The following LNPEP variants were observed in gnomAD, a reference collection of about 807,000 sequenced individuals.
LNPEP encodes the protein leucyl-cystinyl aminopeptidase.
Under a neutral mutation model 120.6 loss-of-function variants are expected in LNPEP, and 64 were observed. That is an observed-to-expected ratio of 0.53 (90% CI 0.43 to 0.65). The LOEUF (loss-of-function observed/expected upper bound fraction) is 0.65, where lower values mean the gene tolerates loss of function less well. Ranked by LOEUF, LNPEP falls within the 30% of genes least tolerant of loss-of-function variation. LNPEP has a pLI of 0.00. For missense variants in LNPEP, 1,057 were observed against 1,200.0 expected (o/e 0.88, Z 1.76); for synonymous variants, 435 against 425.4 (o/e 1.02, Z -0.28).
chr5:96,996,931 A>G (rs958158615), intron 7 of LNPEP, among the ~76,000 whole-genome samples: 5 of 152,070 alleles, frequency 3.3e-5, no homozygotes, highest in African/African-American at 7.2e-5. Flanking sequence ...CTGTTTCTCT[A>G]TTATCACTGT....
At chr5:96,961,583 G>A (rs1248684725) in intron 1 of LNPEP, among the ~76,000 whole-genome samples, 1 of 152,052 alleles carries the variant, frequency 6.6e-6, no homozygotes, top group African/African-American at 2.4e-5. Context: ...AGTGTCAGCA[G>A]CATGGGCACT....
rs757951784 is a variant in LNPEP at position 96,986,508 on chromosome 5, T to A, written c.1000-31T>A. Reference sequence around the variant, plus strand: ...TGTTATTGCCATTTATTCCTATAGTTACAGAACTGTCTTTTCCCCTTTGCT... The same window carrying A: ...TGTTATTGCCATTTATTCCTATAGTAACAGAACTGTCTTTTCCCCTTTGCT... On this transcript the variant is annotated intron_variant, in intron 3 of 17. Transcript: ENST00000231368. 21 of 1,602,874 alleles carry A rather than the reference T, an allele frequency of 1.3e-5. No individual in the cohort carries two copies. In the South Asian group the frequency reaches 2.2e-4, roughly 17 times the overall value.
chr5:96,940,197 G>T (rs754218705), intron 1 of LNPEP, among the ~76,000 whole-genome samples: 1 of 152,086 alleles, frequency 6.6e-6, no homozygotes, highest in Non-Finnish European at 1.5e-5. Flanking sequence ...TTACTTGCCA[G>T]TTTCCAAAAA....
chr5:96,949,834 C>A (rs1323524713), intron 1 of LNPEP, among the ~76,000 whole-genome samples: 1 of 152,148 alleles, frequency 6.6e-6, no homozygotes, highest in Non-Finnish European at 1.5e-5. Flanking sequence ...TAATATTACT[C>A]CAAACAACTC....
At chr5:96,945,371 A>C (rs1280020512) in intron 1 of LNPEP, among the ~76,000 whole-genome samples, 3 of 151,280 alleles carry the variant, frequency 2.0e-5, no homozygotes, top group Admixed American at 2.0e-4. Context: ...ATGCCACTGC[A>C]CTGCAGCCTG....
intron 8 of LNPEP, among the ~76,000 whole-genome samples, chr5:96,998,691 G>C (rs1259614844): frequency 6.6e-6 from 1 of 152,098 alleles, no homozygotes; most frequent in Non-Finnish European, 1.5e-5. Context: ...TTGTGGGGAG[G>C]GATGAATGTT....
chr5:96,942,091 C>T (rs774093443), intron 1 of LNPEP, among the ~76,000 whole-genome samples: 2 of 152,036 alleles, frequency 1.3e-5, no homozygotes, highest in Non-Finnish European at 2.9e-5. Flanking sequence ...GGAGCCTTGC[C>T]AAGAGATAGA....
chr5:96,981,517 T>C (rs934941006), intron 2 of LNPEP, among the ~76,000 whole-genome samples: 11 of 152,190 alleles, frequency 7.2e-5, no homozygotes, highest in African/African-American at 2.7e-4. Context: ...CAAGTGGCCG[T>C]ACCAAAAATC....
chr5:97,021,022 T>C (rs529090778), intron 13 of LNPEP, among the ~76,000 whole-genome samples: 8 of 152,182 alleles, frequency 5.3e-5, no homozygotes, highest in Non-Finnish European at 5.9e-5. Flanking sequence ...CGTCTGTTAG[T>C]ACCTTAATAC....
rs1561426553 is a variant in LNPEP at position 96,945,397 on chromosome 5, C to A, written c.19+9223C>A. 2.1e-5 allele frequency among the ~76,000 whole-genome samples: 3 copies of A among 145,312 alleles called. 1 individual carries two copies. Among genetic ancestry groups the A allele is most frequent in the Admixed American group, 1.4e-4 (2 of 14,448 alleles). On this transcript the variant is annotated intron_variant, in intron 1 of 17. Coordinates refer to ENST00000231368, the MANE Select transcript of LNPEP (RefSeq NM_005575.3). ...CTGCAGCCTGGGCAAGAGAGTGAGA[C>A]CCTATCTCAAAAAAAAAAAAAAAAA...
At chr5:97,000,493 T>C (rs2112637797) in intron 8 of LNPEP, among the ~76,000 whole-genome samples, 1 of 152,338 alleles carries the variant, frequency 6.6e-6, no homozygotes, top group Non-Finnish European at 1.5e-5. Context: ...TAGTTTATGC[T>C]GAAAATGTGA....
In LNPEP at chr5:96,993,034, C is replaced by A; in HGVS notation, c.1151C>A (p.Pro384Gln). ...CTTTAGGTTTCTATATATGCTGTAC[C>A]AGAAAAGATTGGTCAAGTTCATTAT... is the stretch of plus-strand genomic sequence containing the variant. ...NGTLVSIYAVPEKIGQVHYAL... is the reference protein window; with the variant it reads ...NGTLVSIYAVQEKIGQVHYAL... The change falls in exon 5 of 18, where the codon CCA (proline) becomes CAA (glutamine). Residue 384 changes from proline (P) to glutamine (Q), a missense_variant. By Grantham distance (76) the Pro-to-Gln change is moderately conservative (BLOSUM62 -1). Transcript: ENST00000231368. The A allele has an allele frequency of 6.3e-7, 1 of 1,592,698 alleles. No homozygotes were observed. Among genetic ancestry groups the A allele is most frequent in the East Asian group, 2.2e-5 (1 of 44,656 alleles).
At chr5:97,022,026 G>A (rs1362290243) in intron 13 of LNPEP, among the ~76,000 whole-genome samples, 1 of 148,092 alleles carries the variant, frequency 6.8e-6, no homozygotes, top group East Asian at 2.0e-4. Flanking sequence ...CCACCTCCTG[G>A]GTTCAAGTGT....
Position 97,006,187 on chromosome 5 carries a change from A to G in LNPEP, c.1900A>G (p.Arg634Gly). 5 of 1,604,556 alleles carry G rather than the reference A, an allele frequency of 3.1e-6. No homozygotes were observed. The highest frequency in any genetic ancestry group is 4.3e-6 in the Non-Finnish European group (5 of 1,176,302). The change falls in exon 10 of 18, where the codon AGA (arginine) becomes GGA (glycine). Residue 634 changes from arginine (R) to glycine (G), a missense_variant. Coordinates refer to ENST00000231368, the MANE Select transcript of LNPEP (RefSeq NM_005575.3). Reference sequence around the variant, plus strand: ...AAAGGAACTTTTTATACAACAAGAGAGATTCTTTTTAAATATGAAGCCTGA... The same window carrying G: ...AAAGGAACTTTTTATACAACAAGAGGGATTCTTTTTAAATATGAAGCCTGA... ...KGKELFIQQE[R>G]FFLNMKPEIQ...
intron 1 of LNPEP, among the ~76,000 whole-genome samples, chr5:96,937,926 A>G (rs1299867401): frequency 6.6e-6 from 1 of 152,198 alleles, no homozygotes; most frequent in African/African-American, 2.4e-5. Flanking sequence ...TGGATTTCTG[A>G]TTCTTTCCTA....
intron 7 of LNPEP, among the ~76,000 whole-genome samples, chr5:96,996,938 CT>C (rs1790529611): frequency 6.6e-6 from 1 of 152,126 alleles, no homozygotes; most frequent in African/African-American, 2.4e-5. Context: ...TCTATTATCA[CT>C]GTGTACATTC....
intron 4 of LNPEP, among the ~76,000 whole-genome samples, chr5:96,990,743 A>C (rs1427105858): frequency 6.6e-6 from 1 of 152,146 alleles, no homozygotes; most frequent in Non-Finnish European, 1.5e-5. Flanking sequence ...GTAAATACAG[A>C]GCCTATATAT....
At chr5:96,943,673 A>G (rs533608035) in intron 1 of LNPEP, among the ~76,000 whole-genome samples, 2 of 152,194 alleles carry the variant, frequency 1.3e-5, no homozygotes, top group African/African-American at 2.4e-5. Flanking sequence ...TAATTTTTTT[A>G]AAATTCCATC....
intron 1 of LNPEP, among the ~76,000 whole-genome samples, chr5:96,949,666 C>T (rs1789278370): frequency 6.6e-6 from 1 of 152,178 alleles, no homozygotes; most frequent in East Asian, 1.9e-4. Context: ...TGCAGCACCT[C>T]ATTATTCATA....
Sources: allele counts gnomAD v4.1 joint callset (sites outside exome capture counted in the v4.1 genomes callset), GRCh38; gene constraint gnomAD v4.1.1; transcripts MANE v1.5; gene names NCBI Gene and HGNC (gene_info 2026-07-23, HGNC 2026-07-21).